Variants in EPHA3 observed in about 807,000 individuals in gnomAD.
The protein encoded by EPHA3 is EPH receptor A3.
EPHA3 carries 42 observed loss-of-function variants against 107.1 expected under a neutral mutation model. That is an observed-to-expected ratio of 0.39 (90% CI 0.31 to 0.51). The LOEUF (loss-of-function observed/expected upper bound fraction) is 0.51, where lower values mean the gene tolerates loss of function less well. EPHA3 is among the 20% of genes least tolerant of loss of function. The probability of loss-of-function intolerance (pLI) is 0.78; values close to 1 mark genes in which losing one functional copy is unlikely to be tolerated. For synonymous variants in EPHA3, 461 were observed against 424.8 expected (o/e 1.09, Z -1.05); for missense variants, 1,183 against 1,211.2 (o/e 0.98, Z 0.35).
intron 6 of EPHA3, 25 bp from the exon 7 acceptor site, chr3:89,399,293 T>A (rs1708909376): frequency 6.3e-7 from 1 of 1,582,958 alleles, no homozygotes; most frequent in Admixed American, 1.7e-5. Context: ...GATTTTAACA[T>A]GAATTTTTTT....
intron 5 of EPHA3, among the ~76,000 whole-genome samples, chr3:89,364,899 T>C (rs1347482816): frequency 1.3e-5 from 2 of 150,998 alleles, no homozygotes; most frequent in Non-Finnish European, 3.0e-5. Flanking sequence ...AATATTTGTT[T>C]TATAAAGTGA....
Position 89,203,487 on chromosome 3 carries a change from G to C in EPHA3, c.154-6373G>C, listed in dbSNP as rs1396079141. On this transcript the variant is annotated intron_variant, in intron 2 of 16. Transcript: ENST00000336596. ...CCAGCTGGGAGAAAAATAACTTAAA[G>C]CTCCGGCTGGGCGCGGTGGCTCAAG... Among the ~76,000 whole-genome samples the C allele has an allele frequency of 3.3e-5, 5 of 151,920 alleles. No homozygotes were observed. The South Asian group carries it at 1.0e-3, about 32-fold the overall frequency.
chr3:89,432,848 AT>A (rs1294660389), intron 13 of EPHA3, among the ~76,000 whole-genome samples: 1 of 152,134 alleles, frequency 6.6e-6, no homozygotes, highest in Non-Finnish European at 1.5e-5. Flanking sequence ...TTATATATAA[AT>A]CAATGCCATT....
At chr3:89,189,401 T>C (rs543761928) in intron 2 of EPHA3, among the ~76,000 whole-genome samples, 6 of 152,148 alleles carry the variant, frequency 3.9e-5, no homozygotes, top group African/African-American at 1.4e-4. Flanking sequence ...GAGACCATCC[T>C]GGACAATAGG....
At chr3:89,471,971 T>A (rs1012775762) in intron 15 of EPHA3, among the ~76,000 whole-genome samples, 3 of 152,172 alleles carry the variant, frequency 2.0e-5, no homozygotes, top group Non-Finnish European at 4.4e-5. Context: ...GTTTATGTCC[T>A]GCTGTGAGTG....
intron 1 of EPHA3, among the ~76,000 whole-genome samples, chr3:89,114,664 C>T (rs1210838668): frequency 1.3e-5 from 2 of 151,862 alleles, no homozygotes; most frequent in African/African-American, 2.4e-5. Context: ...CGGGTTTCTG[C>T]CCCCGGGCGG....
At chr3:89,321,087 C>T (rs1224281269) in intron 3 of EPHA3, among the ~76,000 whole-genome samples, 3 of 152,100 alleles carry the variant, frequency 2.0e-5, no homozygotes, top group Non-Finnish European at 2.9e-5. Flanking sequence ...AGTATATTCA[C>T]ACATGTATGC....
At chr3:89,375,163 AC>A (rs1254966095) in intron 5 of EPHA3, among the ~76,000 whole-genome samples, 3 of 151,766 alleles carry the variant, frequency 2.0e-5, no homozygotes, top group Non-Finnish European at 4.4e-5. Flanking sequence ...AGCCAAAACT[AC>A]CCAGTGACAC....
At chr3:89,191,750 C>G (rs1705721551) in intron 2 of EPHA3, among the ~76,000 whole-genome samples, 2 of 151,980 alleles carry the variant, frequency 1.3e-5, no homozygotes, top group Non-Finnish European at 2.9e-5. Flanking sequence ...TTTTCATAGA[C>G]TCACCTGGCA....
intron 13 of EPHA3, among the ~76,000 whole-genome samples, chr3:89,439,586 T>G (rs1709741921): frequency 6.6e-6 from 1 of 152,134 alleles, no homozygotes; most frequent in Non-Finnish European, 1.5e-5. Flanking sequence ...GTGCTACAAT[T>G]TCAGACTTTG....
Position 89,126,983 on chromosome 3 carries a change from T to C in EPHA3, c.89-226T>C, listed in dbSNP as rs147038017. Among the ~76,000 whole-genome samples the C allele has an allele frequency of 5.0e-3, 764 of 151,978 alleles. 9 individuals carry two copies. The highest frequency in any genetic ancestry group is 0.017 in the African/African-American group (720 of 41,552). On this transcript the variant is annotated intron_variant, in intron 1 of 16. Transcript: ENST00000336596. Reference sequence around the variant, plus strand: ...TATATTGAACATTAACCTATCCTTGTAAACAAATGCAAACAGTTTAAAAGG... The same window carrying C: ...TATATTGAACATTAACCTATCCTTGCAAACAAATGCAAACAGTTTAAAAGG...
At chr3:89,370,052 G>A (rs545113083) in intron 5 of EPHA3, among the ~76,000 whole-genome samples, 1,692 of 150,716 alleles carry the variant, frequency 0.011, 85 homozygotes, top group African/African-American at 0.039. Context: ...CTTTTACAAT[G>A]TTGGTGGGAC....
chr3:89,366,068 A>T (rs1708179390), intron 5 of EPHA3, among the ~76,000 whole-genome samples: 1 of 150,814 alleles, frequency 6.6e-6, no homozygotes. Flanking sequence ...GAGATTATAA[A>T]GGTCTGAAAT....
rs755010537 is a variant in EPHA3 at position 89,340,948 on chromosome 3, G to A, written c.847G>A (p.Gly283Ser). ...ACCAGGTTTCTACAAGGCATTGGAT[G>A]GTAATATGAAGTGTGCTAAGTGCCC... ...CRPGFYKALD[G>S]NMKCAKCPPH... Residue 283 changes from glycine (G) to serine (S), a missense_variant, in exon 4 of 17, where the codon GGT becomes AGT. By Grantham distance (56) the Gly-to-Ser change is moderately conservative. Coordinates refer to ENST00000336596, the MANE Select transcript of EPHA3 (RefSeq NM_005233.6). 3 of 1,613,300 alleles carry A rather than the reference G, an allele frequency of 1.9e-6. No individual in the cohort carries two copies. Among genetic ancestry groups the A allele is most frequent in the Admixed American group, 1.7e-5 (1 of 59,842 alleles).
chr3:89,404,234 C>A (rs528840509), intron 7 of EPHA3, among the ~76,000 whole-genome samples: 1 of 152,230 alleles, frequency 6.6e-6, no homozygotes, highest in Admixed American at 6.5e-5. Context: ...ATTAGGCATT[C>A]ATCATCTATC....
intron 5 of EPHA3, among the ~76,000 whole-genome samples, chr3:89,373,396 CTT>C (rs776839487): frequency 3.3e-5 from 5 of 151,828 alleles, no homozygotes; most frequent in Non-Finnish European, 7.4e-5. Context: ...ATATAGATAA[CTT>C]TGCATATATT....
chr3:89,351,794 T>C (rs1213498501), intron 5 of EPHA3, among the ~76,000 whole-genome samples: 1 of 151,198 alleles, frequency 6.6e-6, no homozygotes, highest in Non-Finnish European at 1.5e-5. Flanking sequence ...TTCACTCATA[T>C]CCAAATGGCA....
intron 2 of EPHA3, among the ~76,000 whole-genome samples, chr3:89,198,562 G>T (rs1241010920): frequency 6.6e-6 from 1 of 152,166 alleles, no homozygotes; most frequent in Admixed American, 6.6e-5. Flanking sequence ...GAGAACAGTA[G>T]AAGGGGTCTC....
chr3:89,256,223 C>T (rs1259517718), intron 3 of EPHA3, among the ~76,000 whole-genome samples: 1 of 151,616 alleles, frequency 6.6e-6, no homozygotes, highest in Non-Finnish European at 1.5e-5. Flanking sequence ...TGCACTCCTG[C>T]CTGGGCAGTA....
Sources: gnomAD v4.1 joint callset for allele counts (sites outside exome capture counted in the v4.1 genomes callset) on GRCh38, gnomAD v4.1.1 for gene constraint, MANE v1.5 for transcripts, NCBI Gene and HGNC (gene_info 2026-07-23, HGNC 2026-07-21) for gene names.